Variants in CR1L observed in about 807,000 individuals in gnomAD.
CR1L encodes complement component receptor 1-like protein.
Under a neutral mutation model 62.3 loss-of-function variants are expected in CR1L, and 59 were observed. The observed-to-expected ratio is 0.95, with a 90% CI of 0.77 to 1.18. The LOEUF (loss-of-function observed/expected upper bound fraction) is 1.18. Among genes scored for constraint, CR1L ranks in the 50% most tolerant of loss-of-function variants. CR1L has a pLI of 0.00. For synonymous variants in CR1L, 279 were observed against 248.7 expected (o/e 1.12, Z -1.15); for missense variants, 700 against 702.8 (o/e 1.00, Z 0.04).
At chr1:207,669,443 G>A in intron 1 of CR1L, 1 of 1,359,558 alleles carries the variant, frequency 7.4e-7, no homozygotes, top group Non-Finnish European at 1.0e-6. Context: ...TGCTTCGGGA[G>A]GATGGGGGTC....
intron 5 of CR1L, among the ~76,000 whole-genome samples, chr1:207,696,562 G>A (rs1664104119): frequency 6.6e-6 from 1 of 152,184 alleles, no homozygotes; most frequent in South Asian, 2.1e-4. Flanking sequence ...GGGAAACACT[G>A]GGTGATGAGC....
Position 207,669,356 on chromosome 1 carries a change from G to T in CR1L, c.98-8033G>T, listed in dbSNP as rs1186590812. ...CCCATGCTCTGGGCGCGGAGCACAA[G>T]GATTGGTCACTCCTCTTTGCACTGC... On this transcript the variant is annotated intron_variant, in intron 1 of 11. Transcript: ENST00000508064. 80 of 842,388 alleles carry T rather than the reference G, an allele frequency of 9.5e-5. 2 individuals are homozygous for T. The South Asian group carries it at 1.1e-3, about 11-fold the overall frequency. The allele number at this position is 842,388 out of a possible 1,614,324, so 52.2% of individuals were successfully genotyped here.
At chr1:207,661,594 T>G (rs1280413793) in intron 1 of CR1L, among the ~76,000 whole-genome samples, 1 of 152,234 alleles carries the variant, frequency 6.6e-6, no homozygotes, top group East Asian at 1.9e-4. Flanking sequence ...CTTGACTCTT[T>G]ATCCTATTTG....
chr1:207,662,871 G>A (rs1297227972), intron 1 of CR1L, among the ~76,000 whole-genome samples: 2 of 152,152 alleles, frequency 1.3e-5, no homozygotes, highest in African/African-American at 4.8e-5. Flanking sequence ...TAACAGTCAG[G>A]ACCCTCAGCT....
chr1:207,683,710 A>G (rs772426006), intron 3 of CR1L, among the ~76,000 whole-genome samples, 162 bp from the exon 4 acceptor site: 9 of 152,338 alleles, frequency 5.9e-5, no homozygotes, highest in Non-Finnish European at 1.0e-4. Flanking sequence ...GAAAATGACA[A>G]AGTCCCAAGA....
chr1:207,711,661 C>A (rs1441875742), intron 10 of CR1L, among the ~76,000 whole-genome samples: 2 of 152,166 alleles, frequency 1.3e-5, no homozygotes, highest in Non-Finnish European at 1.5e-5. Flanking sequence ...AATCCCAGCA[C>A]TTTGGGAGGC....
intron 1 of CR1L, among the ~76,000 whole-genome samples, chr1:207,647,606 T>C (rs1663149844): frequency 6.6e-6 from 1 of 152,208 alleles, no homozygotes; most frequent in African/African-American, 2.4e-5. Context: ...TAGACATCTG[T>C]TAAATATCAG....
chr1:207,714,700 A>T (rs1157086344), intron 10 of CR1L, among the ~76,000 whole-genome samples: 1 of 152,164 alleles, frequency 6.6e-6, no homozygotes, highest in African/African-American at 2.4e-5. Flanking sequence ...TTCCAATTTC[A>T]GAACGATTTT....
At chr1:207,707,079 C>T (rs531278297) in intron 9 of CR1L, among the ~76,000 whole-genome samples, 4 of 152,220 alleles carry the variant, frequency 2.6e-5, no homozygotes, top group Non-Finnish European at 4.4e-5. Context: ...CTACAATATA[C>T]ATGCACACAT....
At chr1:207,715,501 C>A (rs755389219) in intron 10 of CR1L, 94 of 639,644 alleles carry the variant, frequency 1.5e-4, no homozygotes, top group Middle Eastern at 3.4e-4. Flanking sequence ...AACTAAATTA[C>A]TGATTAAAAT....
rs770567241 is a variant in CR1L at position 207,708,188 on chromosome 1, A to T, written c.1339A>T (p.Ile447Phe). The T allele has an allele frequency of 2.5e-6, 4 of 1,611,384 alleles. No homozygotes were observed. The highest frequency in any genetic ancestry group is 2.7e-5 in the African/African-American group (2 of 74,946). The change falls in exon 10 of 12, where the codon ATT (isoleucine) becomes TTT (phenylalanine). Residue 447 changes from isoleucine (I) to phenylalanine (F), a missense_variant. Physicochemically the swap from Ile to Phe is conservative, Grantham distance 21. Coordinates refer to ENST00000508064, the MANE Select transcript of CR1L (RefSeq NM_175710.2). Reference protein sequence around the residue: ...NYSCTTGHRLIGHSSAECILS... With the variant: ...NYSCTTGHRLFGHSSAECILS... ...ATTTTTTGCCTTTAGGCACCGACTC[A>T]TTGGTCACTCATCTGCTGAATGTAT...
intron 1 of CR1L, chr1:207,652,729 T>C (rs1663241107): frequency 1.2e-6 from 1 of 827,642 alleles, no homozygotes; most frequent in Non-Finnish European, 2.1e-6. Context: ...AGATGAGCCC[T>C]GTTATAGTAA....
At chr1:207,720,710 A>G (rs1000020108) in intron 11 of CR1L, among the ~76,000 whole-genome samples, 1 of 152,226 alleles carries the variant, frequency 6.6e-6, no homozygotes, top group Admixed American at 6.5e-5. Flanking sequence ...ACTAATTAGC[A>G]TGGTGTTGCA....
chr1:207,673,429 G>A (rs1453044475), intron 1 of CR1L, among the ~76,000 whole-genome samples: 1 of 152,164 alleles, frequency 6.6e-6, no homozygotes, highest in Non-Finnish European at 1.5e-5. Context: ...TTCCTTAAAG[G>A]GTAAGTATGC....
In CR1L at chr1:207,694,470, A is replaced by C. The variant is rs555274508; in HGVS notation, c.581A>C (p.Lys194Thr). ...TYHCNLGSRG[K>T]KVFELVGEPS... ...CACTGCAATCTTGGAAGCAGAGGGA[A>C]AAAGGTGTTTGAGCTTGTGGGTGAG... Residue 194 changes from lysine to threonine, a missense_variant, in exon 5 of 12, where the codon AAA becomes ACA. Coordinates refer to ENST00000508064, the MANE Select transcript of CR1L (RefSeq NM_175710.2). 6.2e-7 allele frequency: 1 copy of C among 1,613,774 alleles called. No homozygotes were observed. The highest frequency in any genetic ancestry group is 8.5e-7 in the Non-Finnish European group (1 of 1,179,826).
chr1:207,669,177 A>G (rs978886642), intron 1 of CR1L: 7 of 311,588 alleles, frequency 2.2e-5, no homozygotes, highest in East Asian at 8.8e-5. Context: ...TCGGAAGCCC[A>G]AGCATTGTCA....
chr1:207,656,493 C>T (rs115664697), intron 1 of CR1L, among the ~76,000 whole-genome samples: 1,551 of 152,198 alleles, frequency 0.01, 20 homozygotes, highest in Middle Eastern at 0.044. Flanking sequence ...TTTCGTATTG[C>T]TATAAAGAAA....
chr1:207,700,092 C>A (rs940021548), intron 8 of CR1L, among the ~76,000 whole-genome samples: 2 of 152,002 alleles, frequency 1.3e-5, no homozygotes, highest in African/African-American at 4.8e-5. Context: ...CCTAGTCTAC[C>A]CATTTATAAT....
At chr1:207,716,259 T>A (rs1283812185) in intron 10 of CR1L, among the ~76,000 whole-genome samples, 1 of 149,206 alleles carries the variant, frequency 6.7e-6, no homozygotes, top group Non-Finnish European at 1.5e-5. Flanking sequence ...TAAATAGGGA[T>A]GTTATGGAGA....
Sources: gnomAD v4.1 joint callset for allele counts (sites outside exome capture counted in the v4.1 genomes callset) on GRCh38, gnomAD v4.1.1 for gene constraint, MANE v1.5 for transcripts, NCBI Gene and HGNC (gene_info 2026-07-23, HGNC 2026-07-21) for gene names.